Variants in SLC4A10 observed in about 807,000 individuals in gnomAD.
SLC4A10 encodes solute carrier family 4 member 10, also known as sodium-driven chloride bicarbonate exchanger.
A neutral mutation model predicts 137.7 loss-of-function variants in SLC4A10; 42 were observed. The ratio of observed to expected loss-of-function variants is 0.30; its 90% confidence interval spans 0.24 to 0.39. The LOEUF is 0.39. SLC4A10 is among the 10% of genes least tolerant of loss of function. SLC4A10 has a pLI of 1.00. For synonymous variants in SLC4A10, 474 were observed against 464.1 expected, an observed-to-expected ratio of 1.02 and a Z score of -0.27; for missense variants, 925 against 1,355.0, an observed-to-expected ratio of 0.68 and a Z score of 4.98.
At chr2:161,787,279 A>G (rs1648983805) in intron 2 of SLC4A10, among the ~76,000 whole-genome samples, 1 of 152,152 alleles carries the variant, frequency 6.6e-6, no homozygotes, top group African/African-American at 2.4e-5. Context: ...GTTTCTGTTG[A>G]GAAAGCCACT....
At chr2:161,706,813 T>A (rs1439760139) in intron 1 of SLC4A10, among the ~76,000 whole-genome samples, 1 of 151,622 alleles carries the variant, frequency 6.6e-6, no homozygotes, top group Admixed American at 6.6e-5. Flanking sequence ...TAACAGTACT[T>A]CCCTAAGGAA....
chr2:161,897,612 G>T (rs570410293), intron 11 of SLC4A10, among the ~76,000 whole-genome samples: 72 of 152,132 alleles, frequency 4.7e-4, no homozygotes, highest in Non-Finnish European at 7.8e-4. Context: ...AATTATTAAA[G>T]ACTATTTCCT....
At chr2:161,666,430 G>T (rs969420244) in intron 1 of SLC4A10, among the ~76,000 whole-genome samples, 4 of 151,516 alleles carry the variant, frequency 2.6e-5, no homozygotes, top group African/African-American at 9.7e-5. Context: ...CATTAAGGGG[G>T]AAAAAAATTG....
intron 3 of SLC4A10, among the ~76,000 whole-genome samples, chr2:161,835,280 G>A (rs529513723): frequency 9.2e-5 from 14 of 151,944 alleles, no homozygotes; most frequent in South Asian, 2.1e-4. Context: ...CTTGTGATCC[G>A]TCCACCTCGG....
intron 3 of SLC4A10, among the ~76,000 whole-genome samples, chr2:161,835,951 T>G (rs986010339): frequency 3.9e-5 from 6 of 152,234 alleles, no homozygotes; most frequent in Non-Finnish European, 8.8e-5. Context: ...GGTCCCATCC[T>G]TCTGCTTTGA....
chr2:161,778,931 T>C (rs1194916712), intron 2 of SLC4A10, among the ~76,000 whole-genome samples: 1 of 151,966 alleles, frequency 6.6e-6, no homozygotes, highest in Non-Finnish European at 1.5e-5. Flanking sequence ...TAGTACACTA[T>C]AGACCTGTCT....
At chr2:161,691,689 A>G (rs1476294689) in intron 1 of SLC4A10, among the ~76,000 whole-genome samples, 1 of 152,148 alleles carries the variant, frequency 6.6e-6, no homozygotes, top group Non-Finnish European at 1.5e-5. Flanking sequence ...GTGACTTTCA[A>G]GAAGCATAAA....
chr2:161,664,450 A>G (rs1228303202), intron 1 of SLC4A10, among the ~76,000 whole-genome samples: 1 of 151,960 alleles, frequency 6.6e-6, no homozygotes, highest in Non-Finnish European at 1.5e-5. Flanking sequence ...GTAATCAGAT[A>G]TAATGACACA....
Position 161,699,174 on chromosome 2 carries a change from A to C in SLC4A10, c.49-71799A>C, listed in dbSNP as rs958331640. Among the ~76,000 whole-genome samples, 4 of 152,182 alleles carry C rather than the reference A, an allele frequency of 2.6e-5. No individual in the cohort carries two copies. In the East Asian group the frequency reaches 5.8e-4, roughly 22 times the overall value. ...AGCTGGGACTACAGGTGCCGCCACC[A>C]TGCCTGGCTAATTTTTTGTATTTTT... On this transcript the variant is annotated intron_variant, in intron 1 of 26. Coordinates refer to ENST00000446997, the MANE Select transcript of SLC4A10 (RefSeq NM_001178015.2).
chr2:161,803,641 C>A (rs1409010378), intron 2 of SLC4A10, among the ~76,000 whole-genome samples: 1 of 152,140 alleles, frequency 6.6e-6, no homozygotes, highest in Non-Finnish European at 1.5e-5. Flanking sequence ...AAACCATCTT[C>A]TTTCACCTAG....
At chr2:161,643,905 G>A (rs915043397) in intron 1 of SLC4A10, among the ~76,000 whole-genome samples, 1 of 152,080 alleles carries the variant, frequency 6.6e-6, no homozygotes, top group African/African-American at 2.4e-5. Context: ...AAATAAGAGA[G>A]ATGGTTCAAA....
chr2:161,682,078 C>T lies in SLC4A10; in HGVS notation c.48+57512C>T, dbSNP rs185264825. ...AATATGTAACTCATCCTTACTTTGTCCATTTTCCAAATATGGCAGTCCCAA... is the reference window on the plus strand; with the variant it reads ...AATATGTAACTCATCCTTACTTTGTTCATTTTCCAAATATGGCAGTCCCAA... On this transcript the variant is annotated intron_variant, in intron 1 of 26. Transcript: ENST00000446997. Among the ~76,000 whole-genome samples, 8 of 152,216 alleles carry T rather than the reference C, an allele frequency of 5.3e-5. No individual in the cohort carries two copies. In the East Asian group the frequency reaches 1.5e-3, roughly 29 times the overall value.
At position 161,624,569 on chromosome 2, in the gene SLC4A10, A is replaced by G; in HGVS notation, c.48+3A>G. 6.4e-7 allele frequency: 1 copy of G among 1,552,804 alleles called. No individual in the cohort carries two copies. ...AAATGGAGCCGCTGCTGCCTACGGT[A>G]AGAGACAACCTGCTATCACATAGAT... is the stretch of plus-strand genomic sequence containing the variant. On this transcript the variant is annotated splice_donor_region_variant and intron_variant, in intron 1 of 26. Transcript: ENST00000446997.
chr2:161,769,172 C>G (rs780095341), intron 1 of SLC4A10, among the ~76,000 whole-genome samples: 2 of 151,832 alleles, frequency 1.3e-5, no homozygotes, highest in Non-Finnish European at 2.9e-5. Flanking sequence ...CTTTCTAACC[C>G]CTTGAGTGAC....
At chr2:161,913,101 C>T (rs952647570) in intron 15 of SLC4A10, among the ~76,000 whole-genome samples, 1 of 152,126 alleles carries the variant, frequency 6.6e-6, no homozygotes, top group South Asian at 2.1e-4. Flanking sequence ...CCCATATTTC[C>T]CAATAAATGT....
At chr2:161,914,662 T>A (rs1353143380) in intron 15 of SLC4A10, among the ~76,000 whole-genome samples, 2 of 152,172 alleles carry the variant, frequency 1.3e-5, no homozygotes, top group Non-Finnish European at 2.9e-5. Context: ...GATTTTTTTT[T>A]TTATTATAAA....
At position 161,942,872 on chromosome 2, in the gene SLC4A10, T is replaced by C; in HGVS notation, c.2078T>C (p.Ile693Thr). Residue 693 changes from isoleucine to threonine, a missense_variant, in exon 16 of 27, where the codon ATA becomes ACA. Ile to Thr is a moderately conservative substitution (Grantham distance 89). This residue lies in a region of SLC4A10 where 91 missense variants were observed against 95.6 expected (regional missense o/e 0.95). Coordinates refer to ENST00000446997, the MANE Select transcript of SLC4A10 (RefSeq NM_001178015.2). ...WRESNISASD[I>T]IWENLTVSEC... ...GAATCCAATATTTCTGCCTCTGACA[T>C]AATTTGGGAGAACCTAACTGTGTCA... 1 of 1,598,944 alleles carries C rather than the reference T, an allele frequency of 6.3e-7. No homozygotes were observed. Among genetic ancestry groups the C allele is most frequent in the East Asian group, 2.3e-5 (1 of 44,404 alleles).
intron 1 of SLC4A10, among the ~76,000 whole-genome samples, chr2:161,758,037 T>C (rs2049856584): frequency 6.6e-6 from 1 of 152,000 alleles, no homozygotes; most frequent in South Asian, 2.1e-4. Flanking sequence ...TCTGATTTCA[T>C]TTTTTCCACG....
chr2:161,799,804 T>C (rs188796541), intron 2 of SLC4A10, among the ~76,000 whole-genome samples: 28 of 152,060 alleles, frequency 1.8e-4, no homozygotes, highest in African/African-American at 5.5e-4. Flanking sequence ...TTATTACTTA[T>C]AGCAATAACC....
Sources: gnomAD v4.1 joint callset for allele counts (sites outside exome capture counted in the v4.1 genomes callset) on GRCh38, gnomAD v4.1.1 for gene constraint, gnomAD v4.1.1 regional missense constraint, MANE v1.5 for transcripts, NCBI Gene and HGNC (gene_info 2026-07-23, HGNC 2026-07-21) for gene names.